GUCY1A2: variants seen among roughly 807,000 people sequenced by gnomAD.
The protein encoded by GUCY1A2 is guanylate cyclase 1 soluble subunit alpha 2, also known as guanylate cyclase soluble subunit alpha-2.
A neutral mutation model predicts 63.5 loss-of-function variants in GUCY1A2; 27 were observed. The observed-to-expected ratio is 0.43, with a 90% CI of 0.31 to 0.59. GUCY1A2 has a LOEUF of 0.59. GUCY1A2 is among the 20% of genes least tolerant of loss of function. The pLI, the probability that GUCY1A2 is intolerant of heterozygous loss-of-function variation, is 0.11. For synonymous variants in GUCY1A2, 364 were observed against 343.5 expected, an observed-to-expected ratio of 1.06 and a Z score of -0.66; for missense variants, 768 against 913.3, an observed-to-expected ratio of 0.84 and a Z score of 2.05.
intron 5 of GUCY1A2, among the ~76,000 whole-genome samples, chr11:106,804,873 G>A (rs1010394694): frequency 1.3e-5 from 2 of 152,098 alleles, no homozygotes; most frequent in African/African-American, 4.8e-5. Flanking sequence ...ATCTAGACAT[G>A]TTGCCTGGTT....
chr11:106,885,374 T>A (rs1291869016), intron 4 of GUCY1A2, among the ~76,000 whole-genome samples: 68 of 152,162 alleles, frequency 4.5e-4, no homozygotes, highest in Non-Finnish European at 8.8e-5. Context: ...AATTGATCTG[T>A]CCTATTAGGA....
intron 4 of GUCY1A2, among the ~76,000 whole-genome samples, chr11:106,847,650 CA>C (rs1041385134): frequency 2.0e-5 from 3 of 150,492 alleles, no homozygotes; most frequent in Admixed American, 6.6e-5. Context: ...TTCAGTGGCA[CA>C]AAAAAAAGTA....
At chr11:106,785,876 CT>C (rs5794497) in intron 5 of GUCY1A2, among the ~76,000 whole-genome samples, 7,039 of 147,946 alleles carry the variant, frequency 0.048, 155 homozygotes, top group East Asian at 0.093. Context: ...CGATATCCAC[CT>C]TTTTTTTTTT....
Position 106,861,026 on chromosome 11 carries a change from A to G in GUCY1A2, c.1207-50548T>C, listed in dbSNP as rs1227817356. 5.3e-5 allele frequency among the ~76,000 whole-genome samples: 8 copies of G among 151,896 alleles called. No homozygotes were observed. The South Asian group carries it at 1.7e-3, about 31-fold the overall frequency. On this transcript the variant is annotated intron_variant, in intron 4 of 7. Coordinates refer to ENST00000526355, the MANE Select transcript of GUCY1A2 (RefSeq NM_000855.3). ...TGAGAAGAAGATTATTTGCTTATGA[A>G]GAGGAAGGAGGCAACTTCCTTCTCT... is the stretch of plus-strand genomic sequence containing the variant.
intron 3 of GUCY1A2, among the ~76,000 whole-genome samples, chr11:106,945,791 C>T (rs1269933892): frequency 1.3e-5 from 2 of 152,142 alleles, no homozygotes; most frequent in East Asian, 3.9e-4. Context: ...ATGGAGAAAC[C>T]CTGTCTCTAC....
At chr11:106,928,650 A>G (rs1860561864) in intron 4 of GUCY1A2, among the ~76,000 whole-genome samples, 1 of 152,226 alleles carries the variant, frequency 6.6e-6, no homozygotes. Context: ...ACAACAGGGT[A>G]TACTTACACA....
intron 4 of GUCY1A2, among the ~76,000 whole-genome samples, chr11:106,893,010 A>G (rs1480637628): frequency 6.6e-6 from 1 of 152,210 alleles, no homozygotes; most frequent in African/African-American, 2.4e-5. Flanking sequence ...AACATTAGCA[A>G]TAACAACAAC....
At position 106,939,901 on chromosome 11, in the gene GUCY1A2, C is replaced by T. The variant is rs141129119; in HGVS notation, c.765G>A (p.Lys255=). The change falls in exon 4 of 8, where the codon AAG becomes AAA. Residue 255 remains lysine (K), a synonymous_variant. Coordinates refer to ENST00000526355, the MANE Select transcript of GUCY1A2 (RefSeq NM_000855.3). ...GCCGATAGATCTTCTTTCCTGCAGCCTTAATCATCCCCAGCATTGCAAACC... is the reference window on the plus strand; with the variant it reads ...GCCGATAGATCTTCTTTCCTGCAGCTTTAATCATCCCCAGCATTGCAAACC... ...IVGFAMLGMI[K]AAGKKIYRLD... is the part of the protein sequence containing the mutation. 11 of 1,614,018 alleles carry T rather than the reference C, an allele frequency of 6.8e-6. No homozygotes were observed. The African/African-American group carries it at 1.5e-4, about 22-fold the overall frequency.
intron 4 of GUCY1A2, among the ~76,000 whole-genome samples, chr11:106,890,867 T>C (rs1859964257): frequency 6.6e-6 from 1 of 152,172 alleles, no homozygotes; most frequent in Non-Finnish European, 1.5e-5. Context: ...AACATTATAA[T>C]GTTATACCCT....
chr11:106,885,816 C>T (rs1197809964), intron 4 of GUCY1A2, among the ~76,000 whole-genome samples: 1 of 152,182 alleles, frequency 6.6e-6, no homozygotes, highest in Non-Finnish European at 1.5e-5. Context: ...AAGCCAATTA[C>T]ATAAACACAA....
intron 4 of GUCY1A2, among the ~76,000 whole-genome samples, chr11:106,906,612 T>C (rs747142467): frequency 4.6e-5 from 7 of 152,098 alleles, no homozygotes; most frequent in African/African-American, 7.2e-5. Flanking sequence ...TTATAAATCA[T>C]TCTACTATAA....
intron 1 of GUCY1A2, among the ~76,000 whole-genome samples, chr11:107,012,820 T>G (rs948196828): frequency 1.3e-5 from 2 of 152,216 alleles, no homozygotes; most frequent in African/African-American, 2.4e-5. Context: ...TTAGCCAAAT[T>G]AAGCCCCAAA....
At chr11:106,851,542 G>A (rs1421397414) in intron 4 of GUCY1A2, among the ~76,000 whole-genome samples, 1 of 151,838 alleles carries the variant, frequency 6.6e-6, no homozygotes, top group Non-Finnish European at 1.5e-5. Flanking sequence ...TGAGAGAGAG[G>A]AGTCTACTTT....
chr11:106,704,677 A>G (rs944175201), intron 7 of GUCY1A2, among the ~76,000 whole-genome samples: 1 of 152,194 alleles, frequency 6.6e-6, no homozygotes, highest in Non-Finnish European at 1.5e-5. Flanking sequence ...AAGTAATTCA[A>G]GTCTTTCTAC....
intron 6 of GUCY1A2, among the ~76,000 whole-genome samples, chr11:106,711,146 G>A (rs1863111147): frequency 6.6e-6 from 1 of 152,080 alleles, no homozygotes; most frequent in Non-Finnish European, 1.5e-5. Flanking sequence ...TATCTAATTA[G>A]TGCATGGATA....
chr11:106,675,476 G>A lies in GUCY1A2; in HGVS notation c.*12073C>T. ...TCTTAAAGGAGACAATGAATTAGTA[G>A]CTTGTAAATTTTGCAGATCTGGGCC... On this transcript the variant is annotated 3_prime_UTR_variant, in exon 8 of 8. Transcript: ENST00000526355. 1 of 201,688 alleles carries A rather than the reference G, an allele frequency of 5.0e-6. No individual in the cohort carries two copies. The highest frequency in any genetic ancestry group is 1.0e-5 in the Non-Finnish European group (1 of 98,054). 12.5% of individuals were successfully genotyped at this position (201,688 alleles called of 1,614,324 possible).
intron 4 of GUCY1A2, among the ~76,000 whole-genome samples, chr11:106,929,454 C>T (rs1330667409): frequency 6.6e-6 from 1 of 152,122 alleles, no homozygotes; most frequent in Non-Finnish European, 1.5e-5. Context: ...AATCTCTCTA[C>T]TCCACCAATT....
intron 6 of GUCY1A2, among the ~76,000 whole-genome samples, chr11:106,732,035 T>A (rs1863514534): frequency 6.6e-6 from 1 of 152,080 alleles, no homozygotes; most frequent in African/African-American, 2.4e-5. Context: ...CTTCACTGAA[T>A]TACAAAAAAC....
At chr11:106,869,155 C>A (rs1433873777) in intron 4 of GUCY1A2, among the ~76,000 whole-genome samples, 6 of 152,104 alleles carry the variant, frequency 3.9e-5, no homozygotes, top group Admixed American at 6.5e-5. Context: ...CATAAAAACC[C>A]TAGAAGAAAA....
Sources: allele counts gnomAD v4.1 joint callset (sites outside exome capture counted in the v4.1 genomes callset), GRCh38; gene constraint gnomAD v4.1.1; transcripts MANE v1.5; gene names NCBI Gene and HGNC (gene_info 2026-07-23, HGNC 2026-07-21).